The following FARP1 variants were observed in gnomAD, a reference collection of about 807,000 sequenced individuals.
FARP1 encodes FERM, ARH/RhoGEF and pleckstrin domain protein 1.
In FARP1, 52 loss-of-function variants were observed where a neutral mutation model predicts 128.8. The observed-to-expected ratio is 0.40, with a 90% CI of 0.32 to 0.51. The LOEUF (loss-of-function observed/expected upper bound fraction) is 0.51, where lower values mean the gene tolerates loss of function less well. Among genes scored for constraint, FARP1 ranks in the 20% least tolerant of loss-of-function variants. FARP1 has a pLI of 0.45. For synonymous variants in FARP1, 580 were observed against 551.8 expected, an observed-to-expected ratio of 1.05 and a Z score of -0.72; for missense variants, 1,333 against 1,367.9, an observed-to-expected ratio of 0.97 and a Z score of 0.40.
chr13:98,445,148 G>T (rs1431301006), intron 24 of FARP1: 1 of 152,278 alleles, frequency 6.6e-6, no homozygotes, highest in African/African-American at 2.4e-5. Context: ...CAGAAGCTTA[G>T]TGCCAGGGGC....
intron 12 of FARP1, 53 bp downstream of exon 12, chr13:98,393,771 A>C (rs1445863425): frequency 2.2e-6 from 3 of 1,377,392 alleles, no homozygotes; most frequent in African/African-American, 2.8e-5. Context: ...CACTTCCTCC[A>C]CGGAGCCCTG....
chr13:98,391,138 G>C (rs61968419), intron 11 of FARP1, among the ~76,000 whole-genome samples: 31,972 of 152,074 alleles, frequency 0.21, 3,691 homozygotes, highest in African/African-American at 0.3. Context: ...GGGAAGGAGA[G>C]AAGGGCTTAG....
chr13:98,429,632 C>T (rs183360381), intron 17 of FARP1, among the ~76,000 whole-genome samples: 7 of 152,290 alleles, frequency 4.6e-5, no homozygotes, highest in African/African-American at 1.7e-4. Context: ...TGGTGGTACC[C>T]ATCCTGAAGT....
chr13:98,245,851 C>T (rs1445675020), intron 2 of FARP1, among the ~76,000 whole-genome samples: 11 of 152,022 alleles, frequency 7.2e-5, no homozygotes, highest in Admixed American at 4.6e-4. Flanking sequence ...TCACAGCAAC[C>T]TCCGCCTCCC....
chr13:98,213,218 A>G lies in FARP1; in HGVS notation c.-23-2A>G. 6.2e-7 allele frequency: 1 copy of G among 1,603,976 alleles called. No homozygotes were observed. The highest frequency in any genetic ancestry group is 8.5e-7 in the Non-Finnish European group (1 of 1,175,666). On this transcript the variant is annotated splice_acceptor_variant, in intron 1 of 26. Transcript: ENST00000319562. LOFTEE classifies it low-confidence loss of function (5UTR_SPLICE). Reference sequence around the variant, plus strand: ...GTTTTTCTTTCTCACTGCTTCCTGCAGATATTCTCTAAGCCGCTTTCATCA... The same window carrying G: ...GTTTTTCTTTCTCACTGCTTCCTGCGGATATTCTCTAAGCCGCTTTCATCA...
intron 24 of FARP1, among the ~76,000 whole-genome samples, chr13:98,444,978 C>T (rs1233008779): frequency 1.3e-5 from 2 of 152,162 alleles, no homozygotes; most frequent in Admixed American, 6.5e-5. Context: ...ATGGCTGGAG[C>T]TGCCTGCCTG....
chr13:98,201,245 C>T lies in FARP1; in HGVS notation c.-23-11975C>T, dbSNP rs1879923890. Among the ~76,000 whole-genome samples the T allele has an allele frequency of 2.6e-5, 4 of 152,306 alleles. No homozygotes were observed. In the South Asian group the frequency reaches 8.3e-4, roughly 32 times the overall value. ...ATCCCTAAAGTCTGGGAGTTCAAGA[C>T]CAGCCTGGCTAACATAACCAGACTC... On this transcript the variant is annotated intron_variant, in intron 1 of 26. Coordinates refer to ENST00000319562, the MANE Select transcript of FARP1 (RefSeq NM_005766.4).
At chr13:98,296,140 C>T (rs142771995) in intron 2 of FARP1, among the ~76,000 whole-genome samples, 1 of 152,206 alleles carries the variant, frequency 6.6e-6, no homozygotes, top group East Asian at 1.9e-4. Context: ...CCACATGGAG[C>T]ATGTCCTGGT....
At chr13:98,298,227 G>T (rs1246383910) in intron 2 of FARP1, among the ~76,000 whole-genome samples, 1 of 152,114 alleles carries the variant, frequency 6.6e-6, no homozygotes, top group African/African-American at 2.4e-5. Flanking sequence ...CATTTTCAAG[G>T]CTTGGTTATC....
At chr13:98,363,808 C>A (rs1325485284) in intron 3 of FARP1, among the ~76,000 whole-genome samples, 6 of 152,154 alleles carry the variant, frequency 3.9e-5, no homozygotes, top group Admixed American at 2.6e-4. Context: ...GTGGTGCGAT[C>A]TTGGCTCACT....
At chr13:98,147,254 G>A (rs774692) in intron 1 of FARP1, among the ~76,000 whole-genome samples, 145,860 of 152,270 alleles carry the variant, frequency 0.96, 70,177 homozygotes, top group East Asian at 1. Flanking sequence ...ATACTAATCC[G>A]GCGAGACTGA....
At chr13:98,142,652 C>T (rs1447755858), upstream of FARP1, 1 of 152,488 alleles carries the variant, frequency 6.6e-6, no homozygotes, top group Admixed American at 6.5e-5. Context: ...GACTGTCCTC[C>T]CCGCGCGACG....
chr13:98,222,747 C>T (rs1881493577), intron 2 of FARP1, among the ~76,000 whole-genome samples: 1 of 151,268 alleles, frequency 6.6e-6, no homozygotes, highest in African/African-American at 2.4e-5. Flanking sequence ...TCAGCCTCCC[C>T]AGTAGGTAGG....
intron 2 of FARP1, among the ~76,000 whole-genome samples, chr13:98,297,475 T>A (rs1464043273): frequency 6.6e-6 from 1 of 152,248 alleles, no homozygotes; most frequent in Non-Finnish European, 1.5e-5. Flanking sequence ...TTGTTCATGC[T>A]ATTTTGTTCT....
chr13:98,203,442 A>C (rs1262243143), intron 1 of FARP1, among the ~76,000 whole-genome samples: 1 of 152,184 alleles, frequency 6.6e-6, no homozygotes, highest in East Asian at 1.9e-4. Flanking sequence ...TACTTTCTGG[A>C]TATTTATCCT....
chr13:98,288,867 C>T (rs918033105), intron 2 of FARP1, among the ~76,000 whole-genome samples: 23 of 151,858 alleles, frequency 1.5e-4, no homozygotes, highest in African/African-American at 5.3e-4. Flanking sequence ...TTTTCTATTA[C>T]ATAATTATTT....
Position 98,453,051 on chromosome 13 carries a change from G to C in FARP1, c.*4734G>C. On this transcript the variant is annotated 3_prime_UTR_variant, in exon 27 of 27. Coordinates refer to ENST00000319562, the MANE Select transcript of FARP1 (RefSeq NM_005766.4). Reference sequence around the variant, plus strand: ...TGTCCCTGGACGGGCGCCTGGCGCTGGGGTGGCTCCCAGTGGCGCACCTCT... The same window carrying C: ...TGTCCCTGGACGGGCGCCTGGCGCTCGGGTGGCTCCCAGTGGCGCACCTCT... The C allele has an allele frequency of 8.8e-7, 1 of 1,131,876 alleles. No individual in the cohort carries two copies. The allele number at this position is 1,131,876 out of a possible 1,614,324, so 70.1% of individuals were successfully genotyped here. A position where few individuals can be genotyped will look rare whatever the true frequency, so the allele number is the denominator to read the frequency against.
At chr13:98,207,824 T>C (rs1880363479) in intron 1 of FARP1, among the ~76,000 whole-genome samples, 2 of 151,568 alleles carry the variant, frequency 1.3e-5, no homozygotes, top group Admixed American at 1.3e-4. Flanking sequence ...ATATATGGAA[T>C]AGAAGTAATT....
chr13:98,324,044 A>G (rs1175689552), intron 2 of FARP1, among the ~76,000 whole-genome samples: 1 of 152,244 alleles, frequency 6.6e-6, no homozygotes, highest in Non-Finnish European at 1.5e-5. Context: ...TTATTACTTG[A>G]TTAATATATT....
Sources: allele counts gnomAD v4.1 joint callset (sites outside exome capture counted in the v4.1 genomes callset), GRCh38; gene constraint gnomAD v4.1.1; transcripts MANE v1.5; gene names NCBI Gene and HGNC (gene_info 2026-07-23, HGNC 2026-07-21).